Variants in AFAP1L2 observed in about 807,000 individuals in gnomAD.
AFAP1L2 encodes actin filament-associated protein 1-like 2.
AFAP1L2 carries 46 observed loss-of-function variants against 99.3 expected under a neutral mutation model. That is an observed-to-expected ratio of 0.46 (90% CI 0.37 to 0.59). The LOEUF is 0.59. Among genes scored for constraint, AFAP1L2 ranks in the 20% least tolerant of loss-of-function variants. The pLI, the probability that AFAP1L2 is intolerant of heterozygous loss-of-function variation, is 0.00. For synonymous variants in AFAP1L2, 397 were observed against 419.1 expected (o/e 0.95, Z 0.64); for missense variants, 959 against 1,034.9 (o/e 0.93, Z 1.01).
chr10:114,404,392 G>A, intron 1 of AFAP1L2, 48 bp downstream of exon 1: 1 of 1,525,058 alleles, frequency 6.6e-7, no homozygotes, highest in Non-Finnish European at 8.8e-7. Context: ...CCGCGTCGCT[G>A]GGCGAAAGGG....
At chr10:114,344,848 G>A (rs2049281816) in intron 1 of AFAP1L2, among the ~76,000 whole-genome samples, 1 of 152,162 alleles carries the variant, frequency 6.6e-6, no homozygotes, top group South Asian at 2.1e-4. Context: ...TGTAATCCCA[G>A]CACTTTGGGA....
chr10:114,285,076 T>C, the AFAP1L2 span: 1 of 853,372 alleles, frequency 1.2e-6, no homozygotes, highest in Non-Finnish European at 1.7e-6. Context: ...AACTGGCCCT[T>C]GAACCATCTG....
At chr10:114,366,690 G>A (rs906778261) in intron 1 of AFAP1L2, among the ~76,000 whole-genome samples, 33 of 152,118 alleles carry the variant, frequency 2.2e-4, no homozygotes, top group African/African-American at 7.2e-4. Context: ...TTCCTTGGCC[G>A]GGCGCGGTGG....
intron 1 of AFAP1L2, among the ~76,000 whole-genome samples, chr10:114,350,862 T>C (rs2050365525): frequency 2.0e-5 from 3 of 152,090 alleles, no homozygotes; most frequent in Admixed American, 1.3e-4. Flanking sequence ...CTCAAGACAC[T>C]CCAGGTTCCA....
chr10:114,379,646 A>T (rs1015227753), intron 1 of AFAP1L2, among the ~76,000 whole-genome samples: 3 of 152,168 alleles, frequency 2.0e-5, no homozygotes, highest in Admixed American at 2.0e-4. Flanking sequence ...TTGCATGTTT[A>T]TTGCTAGTTC....
intron 9 of AFAP1L2, among the ~76,000 whole-genome samples, chr10:114,308,175 C>A (rs778269730): frequency 6.6e-6 from 1 of 152,214 alleles, no homozygotes; most frequent in Non-Finnish European, 1.5e-5. Context: ...TCTTTACACA[C>A]TGTACTGGCT....
Position 114,315,595 on chromosome 10 carries a change from T to C in AFAP1L2, c.577A>G (p.Lys193Glu). ...WRKKWLGQWA[K>E]QLCVIKDNRL... is the part of the protein sequence containing the mutation. ...TTGTCCTTGATGACACAGAGCTGCT[T>C]GGCCCACTGTCCCAGCCACTTCTTG... The change falls in exon 6 of 19, where the codon AAG (lysine) becomes GAG (glutamate). Residue 193 changes from lysine to glutamate, a missense_variant. Coordinates refer to ENST00000304129, the MANE Select transcript of AFAP1L2 (RefSeq NM_001001936.3). 1 of 1,614,058 alleles carries C rather than the reference T, an allele frequency of 6.2e-7. No homozygotes were observed. Among genetic ancestry groups the C allele is most frequent in the Non-Finnish European group, 8.5e-7 (1 of 1,180,016 alleles).
At position 114,382,588 on chromosome 10, in the gene AFAP1L2, C is replaced by CTTCTTTTTTTTT. The variant is rs747277134; in HGVS notation, c.16+21851_16+21852insAAAAAAAAAGAA. On this transcript the variant is annotated intron_variant, in intron 1 of 18. Transcript: ENST00000304129. ...CAATGATATTATGTATATTTCTTCT[C>CTTCTTTTTTTTT]TTTTTTTTTTTTTTTTTTTTTTGAG... Among the ~76,000 whole-genome samples the CTTCTTTTTTTTT allele has an allele frequency of 1.3e-4, 12 of 93,296 alleles. 1 individual carries two copies. Among genetic ancestry groups the CTTCTTTTTTTTT allele is most frequent in the African/African-American group, 3.3e-4 (8 of 24,584 alleles). 61.2% of individuals were successfully genotyped at this position (93,296 alleles called of 152,430 possible). A position where few individuals can be genotyped will look rare whatever the true frequency, so the allele number is the denominator to read the frequency against.
the AFAP1L2 span, chr10:114,286,573 C>T: frequency 5.0e-6 from 7 of 1,412,272 alleles, no homozygotes; most frequent in Non-Finnish European, 6.6e-6. Context: ...CTCCTTTTGG[C>T]CACCACCTAA....
chr10:114,321,681 C>T (rs1276563167), intron 5 of AFAP1L2, among the ~76,000 whole-genome samples: 7 of 152,202 alleles, frequency 4.6e-5, no homozygotes, highest in Admixed American at 6.5e-5. Context: ...AGAAGGAGGA[C>T]AGAAGGGGAG....
chr10:114,302,775 T>TA (rs1288098734), intron 11 of AFAP1L2, among the ~76,000 whole-genome samples: 2 of 152,182 alleles, frequency 1.3e-5, no homozygotes, highest in Non-Finnish European at 2.9e-5. Flanking sequence ...GGTGAAAACT[T>TA]ATCACCAGGT....
the AFAP1L2 span, among the ~76,000 whole-genome samples, chr10:114,286,787 G>A: frequency 6.6e-6 from 1 of 152,236 alleles, no homozygotes; most frequent in Non-Finnish European, 1.5e-5. Flanking sequence ...AACTCTAGGT[G>A]TTGCTGTTAT....
chr10:114,323,790 A>G (rs528919841), intron 4 of AFAP1L2, among the ~76,000 whole-genome samples: 14 of 152,226 alleles, frequency 9.2e-5, no homozygotes, highest in Non-Finnish European at 1.5e-4. Flanking sequence ...TCGAAATTTC[A>G]GGAGTCAGTC....
At chr10:114,324,990 T>C (rs1202040864) in intron 4 of AFAP1L2, among the ~76,000 whole-genome samples, 1 of 151,994 alleles carries the variant, frequency 6.6e-6, no homozygotes, top group Non-Finnish European at 1.5e-5. Context: ...GCTGCAAGAG[T>C]ATCCCTTCCA....
intron 5 of AFAP1L2, among the ~76,000 whole-genome samples, chr10:114,318,384 G>T (rs1025948556): frequency 2.0e-4 from 30 of 152,146 alleles, no homozygotes; most frequent in Non-Finnish European, 7.4e-5. Flanking sequence ...CTCCATGGGG[G>T]TATTAGGAAA....
rs1308192521 is a variant in AFAP1L2 at position 114,301,473 on chromosome 10, CAG to C, written c.1431-10_1431-9del. 6.2e-7 allele frequency: 1 copy of C among 1,602,660 alleles called. No individual in the cohort carries two copies. The highest frequency in any genetic ancestry group is 8.6e-7 in the Non-Finnish European group (1 of 1,169,472). On this transcript the variant is annotated splice_polypyrimidine_tract_variant and intron_variant, in intron 12 of 18. Coordinates refer to ENST00000304129, the MANE Select transcript of AFAP1L2 (RefSeq NM_001001936.3). ...AACTTTCTCTGCATCAGTCTGGAAA[CAG>C]GGCGAGGTGGCACACATGAAGCAGC...
chr10:114,283,799 T>C, the AFAP1L2 span, among the ~76,000 whole-genome samples: 3 of 152,260 alleles, frequency 2.0e-5, no homozygotes, highest in African/African-American at 7.2e-5. Flanking sequence ...CCCCAGCTAT[T>C]TCCACAGTCT....
At chr10:114,388,449 C>G (rs1052962993) in intron 1 of AFAP1L2, among the ~76,000 whole-genome samples, 1 of 152,192 alleles carries the variant, frequency 6.6e-6, no homozygotes, top group Non-Finnish European at 1.5e-5. Context: ...CACCACCCCC[C>G]ACCATCACCA....
At chr10:114,392,638 C>A (rs767761222) in intron 1 of AFAP1L2, among the ~76,000 whole-genome samples, 6 of 152,208 alleles carry the variant, frequency 3.9e-5, no homozygotes, top group Non-Finnish European at 8.8e-5. Context: ...TGCCAGCCAG[C>A]TGTTTCCTCC....
Sources: gnomAD v4.1 joint callset for allele counts (sites outside exome capture counted in the v4.1 genomes callset) on GRCh38, gnomAD v4.1.1 for gene constraint, MANE v1.5 for transcripts, NCBI Gene and HGNC (gene_info 2026-07-23, HGNC 2026-07-21) for gene names.